Variants in GBP5 observed in about 807,000 individuals in gnomAD.
The protein encoded by GBP5 is guanylate binding protein 5.
Under a neutral mutation model 58.2 loss-of-function variants are expected in GBP5, and 48 were observed. That is an observed-to-expected ratio of 0.83 (90% CI 0.65 to 1.05). The LOEUF (loss-of-function observed/expected upper bound fraction) is 1.05. Ranked by LOEUF, GBP5 falls within the 50% of genes least tolerant of loss-of-function variation. The pLI, the probability that GBP5 is intolerant of heterozygous loss-of-function variation, is 0.00. For missense variants in GBP5, 714 were observed against 686.8 expected (o/e 1.04, Z -0.44); for synonymous variants, 248 against 251.8 (o/e 0.98, Z 0.14).
intron 11 of GBP5, among the ~76,000 whole-genome samples, chr1:89,261,672 G>A (rs781002891): frequency 6.6e-6 from 1 of 152,174 alleles, no homozygotes; most frequent in Non-Finnish European, 1.5e-5. Flanking sequence ...AGAGTGCTTG[G>A]TAACTACTGA....
chr1:89,265,457 G>A (rs519909), intron 7 of GBP5, among the ~76,000 whole-genome samples: 7,267 of 151,358 alleles, frequency 0.048, 600 homozygotes, highest in African/African-American at 0.17. Flanking sequence ...TAGTATGAGC[G>A]CTACCCTCCT....
chr1:89,268,636 G>A (rs897713429), intron 4 of GBP5, 93 bp downstream of exon 4: 9 of 1,336,924 alleles, frequency 6.7e-6, no homozygotes, highest in Non-Finnish European at 7.5e-6. Flanking sequence ...CATTGGTCAA[G>A]TGGAACTACA....
rs566836639 is a variant in GBP5 at position 89,268,626 on chromosome 1, C to T, written c.318+103G>A. On this transcript the variant is annotated intron_variant, in intron 4 of 11. Transcript: ENST00000370459. The stretch of plus-strand genomic sequence containing the variant: ...TACAAAGGAAAACAATGGGGGTATA[C>T]ATTGGTCAAGTGGAACTACAAATTT... 1,028 of 1,157,814 alleles carry T rather than the reference C, an allele frequency of 8.9e-4. 3 individuals are homozygous for T. Among genetic ancestry groups the T allele is most frequent in the Non-Finnish European group, 1.0e-3 (788 of 777,160 alleles). The allele number at this position is 1,157,814 out of a possible 1,614,324, so 71.7% of individuals were successfully genotyped here.
rs2209307 is a variant in GBP5, at chr1:89,257,661, G to A, written c.*3043C>T. Among the ~76,000 whole-genome samples the A allele has an allele frequency of 0.48, 72,706 of 152,014 alleles. 18,285 individuals are homozygous for A. Among genetic ancestry groups the A allele is most frequent in the Middle Eastern group, 0.61 (176 of 290 alleles). ...CTAAATGTTTATAAGGTTTTTATGA[G>A]CAACAGGTGAATTACTACAGTGACC... is the stretch of plus-strand genomic sequence containing the variant. On this transcript the variant is annotated 3_prime_UTR_variant, in exon 12 of 12. Transcript: ENST00000370459.
Position 89,260,835 on chromosome 1 carries a change from G to C in GBP5, c.1648-18C>G. The C allele has an allele frequency of 1.3e-6, 2 of 1,578,728 alleles. No homozygotes were observed. Among genetic ancestry groups the C allele is most frequent in the Non-Finnish European group, 1.7e-6 (2 of 1,148,138 alleles). On this transcript the variant is annotated intron_variant, in intron 11 of 11. Coordinates refer to ENST00000370459, the MANE Select transcript of GBP5 (RefSeq NM_052942.5). ...GCCTGTTCCTAAAGAGTGATAAATA[G>C]AAAGTAAGATCAAGCTTCTTACTGA...
Position 89,263,735 on chromosome 1 carries a change from C to T in GBP5, c.1362+1G>A, listed in dbSNP as rs760157864. On this transcript the variant is annotated splice_donor_variant, in intron 9 of 11. Coordinates refer to ENST00000370459, the MANE Select transcript of GBP5 (RefSeq NM_052942.5). LOFTEE classifies it high-confidence loss of function. ...TCCACAATAGGTAGAACTAGGGATA[C>T]CTGTATTCCTTTCCGAGGCTCCCGA... 2.5e-6 allele frequency: 4 copies of T among 1,606,518 alleles called. No individual in the cohort carries two copies. Among genetic ancestry groups the T allele is most frequent in the Non-Finnish European group, 3.4e-6 (4 of 1,173,444 alleles).
intron 9 of GBP5, 82 bp from the exon 10 acceptor site, chr1:89,262,867 G>A: frequency 2.4e-6 from 2 of 849,508 alleles, no homozygotes; most frequent in East Asian, 5.3e-5. Flanking sequence ...GTTCCTTCCA[G>A]CAGCATCTAT....
rs1336114441 is a variant in GBP5 at position 89,258,653 on chromosome 1, A to G, written c.*2051T>C. On this transcript the variant is annotated 3_prime_UTR_variant, in exon 12 of 12. Transcript: ENST00000370459. ...TCGGCTTTTTTCTGTATATAAGTAAATCATATTTTGGGTGACTAAAAAAAT... is the reference window on the plus strand; with the variant it reads ...TCGGCTTTTTTCTGTATATAAGTAAGTCATATTTTGGGTGACTAAAAAAAT... Among the ~76,000 whole-genome samples the G allele has an allele frequency of 1.3e-5, 2 of 152,264 alleles. No homozygotes were observed. Among genetic ancestry groups the G allele is most frequent in the East Asian group, 3.9e-4 (2 of 5,178 alleles).
intron 9 of GBP5, 166 bp from the exon 10 acceptor site, chr1:89,262,951 C>G (rs1312445200): frequency 2.1e-6 from 1 of 472,060 alleles, no homozygotes; most frequent in African/African-American, 2.0e-5. Context: ...CCACCCTGCA[C>G]TTGGTGGAAC....
In GBP5 at chr1:89,267,145, G is replaced by C. The variant is rs748366573; in HGVS notation, c.437C>G (p.Thr146Arg). The C allele has an allele frequency of 1.1e-5, 17 of 1,590,040 alleles. No individual in the cohort carries two copies. Among genetic ancestry groups the C allele is most frequent in the Non-Finnish European group, 1.4e-5 (16 of 1,171,152 alleles). ...QGAIDLLHNVTELTDLLKARN... is the reference protein window; with the variant it reads ...QGAIDLLHNVRELTDLLKARN... ...TGCCTTGAGCAGATCTGTCAGTTCTGTCACATTGCTGAGATGCAATTAAAG... is the reference window on the plus strand; with the variant it reads ...TGCCTTGAGCAGATCTGTCAGTTCTCTCACATTGCTGAGATGCAATTAAAG... The change falls in exon 6 of 12, where the codon ACA (threonine) becomes AGA (arginine). Residue 146 changes from threonine to arginine, a missense_variant. Coordinates refer to ENST00000370459, the MANE Select transcript of GBP5 (RefSeq NM_052942.5).
chr1:89,262,611 G>C, intron 10 of GBP5, 72 bp downstream of exon 10: 2 of 1,130,208 alleles, frequency 1.8e-6, no homozygotes. Context: ...AACATCCCAT[G>C]AGGGCCAGGC....
chr1:89,261,530 A>G (rs536718253), intron 11 of GBP5, among the ~76,000 whole-genome samples: 1 of 152,296 alleles, frequency 6.6e-6, no homozygotes, highest in Admixed American at 6.5e-5. Context: ...ATTTGCATTG[A>G]TTATCTCTTT....
At chr1:89,268,280 T>C (rs1650303805) in intron 4 of GBP5, among the ~76,000 whole-genome samples, 1 of 152,256 alleles carries the variant, frequency 6.6e-6, no homozygotes, top group Admixed American at 6.5e-5. Context: ...AAGGCCCATG[T>C]ATCTACTGTT....
At chr1:89,268,924 C>T (rs1650333835) in intron 3 of GBP5, 68 bp from the exon 4 acceptor site, 1 of 1,533,492 alleles carries the variant, frequency 6.5e-7, no homozygotes, top group African/African-American at 1.4e-5. Context: ...CTTGATCATT[C>T]AGCTAGAGTT....
At chr1:89,261,880 C>A (rs1000748786) in intron 11 of GBP5, among the ~76,000 whole-genome samples, 1 of 152,146 alleles carries the variant, frequency 6.6e-6, no homozygotes, top group South Asian at 2.1e-4. Flanking sequence ...TTACTGCAGC[C>A]CAGAAATGCC....
Position 89,264,715 on chromosome 1 carries a change from C to CA in GBP5, c.1119dup (p.Val374CysfsTer19). The CA allele has an allele frequency of 6.2e-7, 1 of 1,614,164 alleles. No homozygotes were observed. Among genetic ancestry groups the CA allele is most frequent in the Non-Finnish European group, 8.5e-7 (1 of 1,179,974 alleles). Reference sequence around the variant, plus strand: ...AATTCTTTCTGGAAACTTTGGTCTACATCCTTGAAAGAGTTTTTCATGAAG... The same window carrying CA: ...AATTCTTTCTGGAAACTTTGGTCTACAATCCTTGAAAGAGTTTTTCATGAAG... On this transcript the variant is annotated frameshift_variant, in exon 8 of 12. Coordinates refer to ENST00000370459, the MANE Select transcript of GBP5 (RefSeq NM_052942.5). LOFTEE classifies it high-confidence loss of function.
In GBP5 at chr1:89,256,781, T is replaced by C. The variant is rs1386091091; in HGVS notation, c.*3923A>G. On this transcript the variant is annotated 3_prime_UTR_variant, in exon 12 of 12. Coordinates refer to ENST00000370459, the MANE Select transcript of GBP5 (RefSeq NM_052942.5). ...GTTCCTTTTTCTTATTTTAGTGTAT[T>C]GTGTGTGAGGTCTGGTTACAACTTG... 6.6e-6 allele frequency among the ~76,000 whole-genome samples: 1 copy of C among 152,196 alleles called. No individual in the cohort carries two copies. Among genetic ancestry groups the C allele is most frequent in the Admixed American group, 6.5e-5 (1 of 15,282 alleles).
chr1:89,262,869 A>G, intron 9 of GBP5, 84 bp from the exon 10 acceptor site: 1 of 838,268 alleles, frequency 1.2e-6, no homozygotes, highest in Non-Finnish European at 1.9e-6. Context: ...TCCTTCCAGC[A>G]GCATCTATTC....
intron 11 of GBP5, 82 bp from the exon 12 acceptor site, chr1:89,260,899 T>C (rs762862202): frequency 2.5e-5 from 24 of 947,862 alleles, no homozygotes; most frequent in Non-Finnish European, 4.0e-5. Context: ...TCTTTTCATC[T>C]ACAGTAGCAG....
Sources: gnomAD v4.1 joint callset for allele counts (sites outside exome capture counted in the v4.1 genomes callset) on GRCh38, gnomAD v4.1.1 for gene constraint, MANE v1.5 for transcripts, NCBI Gene and HGNC (gene_info 2026-07-23, HGNC 2026-07-21) for gene names.